Variants in SUPT3H observed in about 807,000 individuals in gnomAD.
SUPT3H encodes SPT3 homolog, SAGA and STAGA complex component, also known as transcription initiation protein SPT3 homolog.
A neutral mutation model predicts 44.3 loss-of-function variants in SUPT3H; 44 were observed. The ratio of observed to expected loss-of-function variants is 0.99; its 90% CI spans 0.78 to 1.28. The LOEUF (loss-of-function observed/expected upper bound fraction) is 1.28. Ranked by LOEUF, SUPT3H falls within the 50% of genes most tolerant of loss-of-function variation. The pLI, the probability that SUPT3H is intolerant of heterozygous loss-of-function variation, is 0.00. For synonymous variants in SUPT3H, 124 were observed against 125.6 expected (o/e 0.99, Z 0.09); for missense variants, 380 against 387.1 (o/e 0.98, Z 0.15).
At chr6:45,053,570 C>T (rs1466437784) in intron 3 of SUPT3H, among the ~76,000 whole-genome samples, 3 of 151,432 alleles carry the variant, frequency 2.0e-5, no homozygotes, top group Non-Finnish European at 4.4e-5. Context: ...TCTCCTTCAC[C>T]CTTCATCCCT....
intron 2 of SUPT3H, among the ~76,000 whole-genome samples, chr6:45,298,341 C>G (rs1205235694): frequency 6.6e-6 from 1 of 151,740 alleles, no homozygotes; most frequent in East Asian, 1.9e-4. Context: ...ATTTTTGTCA[C>G]TTAAAAGAAA....
chr6:45,354,327 G>A (rs1274170260), intron 2 of SUPT3H, among the ~76,000 whole-genome samples: 1 of 152,074 alleles, frequency 6.6e-6, no homozygotes, highest in African/African-American at 2.4e-5. Flanking sequence ...TCACAATATA[G>A]CAGGTGAAAG....
chr6:45,127,309 G>A (rs981685461), intron 2 of SUPT3H, among the ~76,000 whole-genome samples: 25 of 152,126 alleles, frequency 1.6e-4, no homozygotes, highest in African/African-American at 5.1e-4. Flanking sequence ...GTGAGAATCC[G>A]TCTCAAAATA....
At chr6:45,234,530 C>CA (rs10713328) in intron 2 of SUPT3H, among the ~76,000 whole-genome samples, 13,272 of 126,510 alleles carry the variant, frequency 0.1, 808 homozygotes, top group East Asian at 0.23. Flanking sequence ...GACGCTGTCA[C>CA]AAAAAAAAAA....
intron 2 of SUPT3H, among the ~76,000 whole-genome samples, chr6:45,352,540 T>C (rs1449215463): frequency 1.3e-5 from 2 of 152,106 alleles, no homozygotes; most frequent in Non-Finnish European, 2.9e-5. Flanking sequence ...TAAAAATAAA[T>C]CTATAAATTC....
chr6:45,235,449 T>G (rs1768910769), intron 2 of SUPT3H, among the ~76,000 whole-genome samples: 1 of 151,966 alleles, frequency 6.6e-6, no homozygotes. Flanking sequence ...AAAGAGCTCC[T>G]TAGAAACAGA....
chr6:44,810,611 A>AG (rs897219619), intron 11 of SUPT3H, among the ~76,000 whole-genome samples: 3 of 151,806 alleles, frequency 2.0e-5, no homozygotes, highest in African/African-American at 7.2e-5. Context: ...TAAAAAAAAA[A>AG]AAAAATGCAC....
chr6:45,375,895 C>G (rs1368400479), intron 1 of SUPT3H, among the ~76,000 whole-genome samples: 1 of 151,286 alleles, frequency 6.6e-6, no homozygotes, highest in Non-Finnish European at 1.5e-5. Flanking sequence ...CCTAATTTCA[C>G]TTATCTCTCC....
intron 2 of SUPT3H, among the ~76,000 whole-genome samples, chr6:45,289,344 C>T (rs1779925291): frequency 6.6e-6 from 1 of 151,964 alleles, no homozygotes; most frequent in South Asian, 2.1e-4. Context: ...TGACAAACTG[C>T]TTCTCACTCA....
intron 3 of SUPT3H, among the ~76,000 whole-genome samples, chr6:45,096,938 A>G (rs1355155895): frequency 6.6e-6 from 1 of 152,188 alleles, no homozygotes; most frequent in Admixed American, 6.5e-5. Flanking sequence ...CCATAGTCCC[A>G]AAATAAAATT....
At chr6:45,094,423 A>G (rs1797531767) in intron 3 of SUPT3H, among the ~76,000 whole-genome samples, 1 of 152,146 alleles carries the variant, frequency 6.6e-6, no homozygotes. Flanking sequence ...GAAGTGAAAA[A>G]CAATTTATAC....
At chr6:44,866,527 T>A (rs138052187) in intron 10 of SUPT3H, among the ~76,000 whole-genome samples, 1 of 149,746 alleles carries the variant, frequency 6.7e-6, no homozygotes, top group African/African-American at 2.5e-5. Context: ...CTTAGGAAAA[T>A]AAAAAAAAAA....
Position 45,234,845 on chromosome 6 carries a change from G to A in SUPT3H, c.102-128839C>T, listed in dbSNP as rs568726297. 1.5e-3 allele frequency among the ~76,000 whole-genome samples: 232 copies of A among 152,076 alleles called. 2 individuals carry two copies. The highest frequency in any genetic ancestry group is 5.2e-3 in the African/African-American group (216 of 41,484). On this transcript the variant is annotated intron_variant, in intron 2 of 10. Transcript: ENST00000371459. ...TCTGCTGATCAGAAACTGTTCCATG[G>A]TACAACAGATTTTTATGAATTTTAA...
intron 5 of SUPT3H, among the ~76,000 whole-genome samples, chr6:45,006,147 C>T (rs992920402): frequency 1.1e-4 from 16 of 151,896 alleles, no homozygotes; most frequent in African/African-American, 3.6e-4. Flanking sequence ...TTGCCACTTC[C>T]GCTTTCTTTG....
intron 2 of SUPT3H, among the ~76,000 whole-genome samples, chr6:45,149,518 T>C (rs1463620808): frequency 6.6e-6 from 1 of 152,152 alleles, no homozygotes; most frequent in African/African-American, 2.4e-5. Context: ...CACTGCCAAA[T>C]CATTGGAGAG....
intron 2 of SUPT3H, among the ~76,000 whole-genome samples, chr6:45,167,179 AG>A (rs1219106815): frequency 6.6e-6 from 1 of 152,234 alleles, no homozygotes; most frequent in East Asian, 1.9e-4. Flanking sequence ...CTTAATGGAC[AG>A]AAGTGTAGGT....
In SUPT3H at chr6:45,323,050, A is replaced by C. The variant is rs958310917; in HGVS notation, c.101+42151T>G. On this transcript the variant is annotated intron_variant, in intron 2 of 10. Coordinates refer to ENST00000371459, the MANE Select transcript of SUPT3H (RefSeq NM_003599.4). ...AGACATACGATGATATTCATGTTTA[A>C]ATTATGAGATGACAATTACTGTGCC... 8.5e-6 allele frequency: 7 copies of C among 824,290 alleles called. No individual in the cohort carries two copies. In the African/African-American group the frequency reaches 8.8e-5, roughly 10 times the overall value. The allele number at this position is 824,290 out of a possible 1,614,324, so 51.1% of individuals were successfully genotyped here. A position where few individuals can be genotyped will look rare whatever the true frequency, so the allele number is the denominator to read the frequency against.
At chr6:45,307,663 T>TG (rs1783265529) in intron 2 of SUPT3H, among the ~76,000 whole-genome samples, 1 of 152,066 alleles carries the variant, frequency 6.6e-6, no homozygotes, top group South Asian at 2.1e-4. Context: ...AAGACAAAGA[T>TG]GGGGAAAAAG....
At chr6:45,306,456 C>T (rs908459983) in intron 2 of SUPT3H, among the ~76,000 whole-genome samples, 13 of 152,272 alleles carry the variant, frequency 8.5e-5, no homozygotes, top group Non-Finnish European at 1.6e-4. Flanking sequence ...GATTACCCAG[C>T]TTGAACCCTC....
Sources: gnomAD v4.1 joint callset for allele counts (sites outside exome capture counted in the v4.1 genomes callset) on GRCh38, gnomAD v4.1.1 for gene constraint, MANE v1.5 for transcripts, NCBI Gene and HGNC (gene_info 2026-07-23, HGNC 2026-07-21) for gene names.